Variants in WDR35 observed in about 807,000 individuals in gnomAD.
WDR35 encodes WD repeat domain 35.
In WDR35, 118 loss-of-function variants were observed where a neutral mutation model predicts 158.3. The observed-to-expected ratio is 0.75, with a 90% CI of 0.64 to 0.87. The LOEUF (loss-of-function observed/expected upper bound fraction) is 0.87. WDR35 is among the 40% of genes least tolerant of loss of function. The pLI, the probability that WDR35 is intolerant of heterozygous loss-of-function variation, is 0.00. For synonymous variants in WDR35, 448 were observed against 476.1 expected (o/e 0.94, Z 0.77); for missense variants, 1,263 against 1,405.8 (o/e 0.90, Z 1.62).
rs398123536 is a variant in WDR35 at position 19,946,569 on chromosome 2, C to A, written c.1526G>T (p.Gly509Val). ...TCTCTGAATGGTGCCAGATTCACGA[C>A]CCTATGGAAATTACTTTTGATTACT... is the stretch of plus-strand genomic sequence containing the variant. ...ITASDKILIV[G>V]RESGTIQRYS... is the part of the protein sequence containing the mutation. The change falls in exon 15 of 27, where the codon GGT (glycine) becomes GTT (valine). Residue 509 changes from glycine (G) to valine (V), a missense_variant and splice_region_variant. Gly to Val is a moderately radical substitution (Grantham distance 109, BLOSUM62 -3). Transcript: ENST00000281405. 21 of 1,612,924 alleles carry A rather than the reference C, an allele frequency of 1.3e-5. No homozygotes were observed. In the Admixed American group the frequency reaches 3.3e-4, roughly 26 times the overall value.
intron 8 of WDR35, among the ~76,000 whole-genome samples, chr2:19,970,264 T>C (rs753573760): frequency 1.4e-4 from 22 of 152,238 alleles, no homozygotes; most frequent in Admixed American, 2.6e-4. Context: ...TAAAAAATTA[T>C]ATTTCTTAGA....
intron 1 of WDR35, among the ~76,000 whole-genome samples, chr2:19,989,569 A>G (rs1672684336): frequency 6.6e-6 from 1 of 152,214 alleles, no homozygotes; most frequent in African/African-American, 2.4e-5. Flanking sequence ...GGGAGAGGGT[A>G]TAAATCCATA....
At chr2:19,978,102 A>G (rs968183159) in intron 5 of WDR35, among the ~76,000 whole-genome samples, 1 of 152,054 alleles carries the variant, frequency 6.6e-6, no homozygotes, top group African/African-American at 2.4e-5. Flanking sequence ...AGGTCTGGTC[A>G]TTGCTGTACC....
At chr2:19,951,758 C>T in intron 12 of WDR35, 1 of 285,894 alleles carries the variant, frequency 3.5e-6, no homozygotes, top group Non-Finnish European at 6.5e-6. Flanking sequence ...TTCATTAAGC[C>T]CAGAGAGACA....
intron 4 of WDR35, 94 bp downstream of exon 4, chr2:19,980,597 G>A: frequency 1.0e-6 from 1 of 969,358 alleles, no homozygotes; most frequent in Non-Finnish European, 1.7e-6. Flanking sequence ...TTAGTAAAAG[G>A]GGTCTATTTT....
intron 13 of WDR35, among the ~76,000 whole-genome samples, chr2:19,950,308 T>C (rs182946198): frequency 1.0e-4 from 14 of 135,070 alleles, no homozygotes; most frequent in Non-Finnish European, 2.1e-4. Flanking sequence ...GATCAAATAA[T>C]ATAAAGACAG....
chr2:19,943,666 A>G (rs1183956921), intron 16 of WDR35, among the ~76,000 whole-genome samples: 1 of 152,070 alleles, frequency 6.6e-6, no homozygotes, highest in African/African-American at 2.4e-5. Context: ...TGAGATATGA[A>G]AGAAACATGA....
intron 17 of WDR35, among the ~76,000 whole-genome samples, chr2:19,938,821 G>C (rs931294408): frequency 2.0e-5 from 3 of 152,082 alleles, no homozygotes; most frequent in African/African-American, 4.8e-5. Context: ...TCAGAATTTT[G>C]AACAGGTGTA....
intron 25 of WDR35, 112 bp downstream of exon 25, chr2:19,930,284 C>A (rs1227454533): frequency 8.0e-6 from 12 of 1,492,954 alleles, no homozygotes; most frequent in Non-Finnish European, 9.2e-6. Flanking sequence ...GAAAATAAAT[C>A]CATAGGAAAA....
At chr2:19,950,440 C>T (rs1267382921) in intron 13 of WDR35, among the ~76,000 whole-genome samples, 3 of 152,098 alleles carry the variant, frequency 2.0e-5, no homozygotes, top group Non-Finnish European at 2.9e-5. Context: ...AACTCAGCTA[C>T]GAAAGGAGGA....
rs765445540 is a variant in WDR35 at position 19,938,283 on chromosome 2, T to C, written c.2045A>G (p.Asn682Ser). 7 of 1,614,048 alleles carry C rather than the reference T, an allele frequency of 4.3e-6. No homozygotes were observed. Among genetic ancestry groups the C allele is most frequent in the Non-Finnish European group, 5.9e-6 (7 of 1,180,008 alleles). Residue 682 changes from asparagine to serine, a missense_variant, in exon 18 of 27, where the codon AAT becomes AGT. Transcript: ENST00000281405. The stretch of plus-strand genomic sequence containing the variant: ...TAAATACCAAAGTCGGGGGTGTGGA[T>C]TGTCCTCTATGAACTGAGATGCATC... ...IKDASQFIEDNPHPRLWRLLA... is the reference protein window; with the variant it reads ...IKDASQFIEDSPHPRLWRLLA...
In WDR35 at chr2:19,922,984, T is replaced by TG. The variant is rs545896038; in HGVS notation, c.3121+7411dup. Among the ~76,000 whole-genome samples the TG allele has an allele frequency of 6.4e-4, 97 of 152,356 alleles. 1 individual carries two copies. In the South Asian group the frequency reaches 6.8e-3, roughly 11 times the overall value. On this transcript the variant is annotated intron_variant, in intron 25 of 26. Transcript: ENST00000281405. ...GATCTGTGCCTTAAGGACATGCTCC[T>TG]GCTGCAGATAACTAGCCAGACCCAT...
At chr2:19,946,647 C>A in intron 14 of WDR35, 77 bp from the exon 15 acceptor site, 1 of 1,375,228 alleles carries the variant, frequency 7.3e-7, no homozygotes, top group South Asian at 1.2e-5. Context: ...CTCTATATGT[C>A]TATACATTTG....
At chr2:19,959,624 T>C (rs1671568771) in intron 11 of WDR35, among the ~76,000 whole-genome samples, 2 of 152,008 alleles carry the variant, frequency 1.3e-5, no homozygotes, top group African/African-American at 2.4e-5. Context: ...TTGAGGTCAT[T>C]ATTTCTCATA....
chr2:19,948,839 A>T (rs1481091058), intron 13 of WDR35, among the ~76,000 whole-genome samples: 1 of 151,368 alleles, frequency 6.6e-6, no homozygotes. Flanking sequence ...ACTTGAACCC[A>T]GGAGGCGGAG....
At chr2:19,963,050 T>C (rs1671715531) in intron 10 of WDR35, among the ~76,000 whole-genome samples, 1 of 152,136 alleles carries the variant, frequency 6.6e-6, no homozygotes, top group Non-Finnish European at 1.5e-5. Context: ...CTGCTACTTG[T>C]TTTATTTCAA....
rs201887586 is a variant in WDR35 at position 19,975,647 on chromosome 2, T to A, written c.453A>T (p.Gly151=). The part of the protein sequence containing the change: ...VGSVDGNRIW[G]KDLKGIQLSH... Reference sequence around the variant, plus strand: ...ATAGCTGTATACCCTTCAGGTCTTTTCCCCAAATACGATTGCCTAAAACAA... The same window carrying A: ...ATAGCTGTATACCCTTCAGGTCTTTACCCCAAATACGATTGCCTAAAACAA... The change falls in exon 6 of 27, where the codon GGA becomes GGT. Residue 151 remains glycine (G), a synonymous_variant. Transcript: ENST00000281405. 1 of 1,614,050 alleles carries A rather than the reference T, an allele frequency of 6.2e-7. No individual in the cohort carries two copies. Among genetic ancestry groups the A allele is most frequent in the East Asian group, 2.2e-5 (1 of 44,840 alleles).
In WDR35 at chr2:19,914,169, A is replaced by G. The variant is rs1558318210; in HGVS notation, c.3230T>C (p.Phe1077Ser). The part of the protein sequence containing the change: ...SRAFGTCSKA[F>S]IKLKSLETLS... ...GGTCTCTAAAGATTTAAGTTTAATG[A>G]AAGCTTTTGAACAAGTCCCAAAGGC... The change falls in exon 26 of 27, where the codon TTC (phenylalanine) becomes TCC (serine). Residue 1077 changes from phenylalanine to serine, a missense_variant. Phe to Ser is a radical substitution (Grantham distance 155). Transcript: ENST00000281405. 6.2e-7 allele frequency: 1 copy of G among 1,614,194 alleles called. No individual in the cohort carries two copies. The highest frequency in any genetic ancestry group is 1.7e-5 in the Admixed American group (1 of 60,028).
In WDR35 at chr2:19,980,941, T is replaced by C. The variant is rs12619153; in HGVS notation, c.215-158A>G. On this transcript the variant is annotated intron_variant, in intron 3 of 26. Coordinates refer to ENST00000281405, the MANE Select transcript of WDR35 (RefSeq NM_020779.4). ...AAAACCTATTCATAAGATGCAGTTATTGATATCACTAATTTTCTACAACAA... is the reference window on the plus strand; with the variant it reads ...AAAACCTATTCATAAGATGCAGTTACTGATATCACTAATTTTCTACAACAA... Among the ~76,000 whole-genome samples, 6 of 152,356 alleles carry C rather than the reference T, an allele frequency of 3.9e-5. No homozygotes were observed. The East Asian group carries it at 5.8e-4, about 15-fold the overall frequency.
Sources: allele counts gnomAD v4.1 joint callset (sites outside exome capture counted in the v4.1 genomes callset), GRCh38; gene constraint gnomAD v4.1.1; transcripts MANE v1.5; gene names NCBI Gene and HGNC (gene_info 2026-07-23, HGNC 2026-07-21).